Variants in PMEPA1 observed in about 807,000 individuals in gnomAD.
PMEPA1 encodes the protein prostate transmembrane protein, androgen induced 1, also known as protein TMEPAI.
PMEPA1 carries 11 observed loss-of-function variants against 23.0 expected under a neutral mutation model. That is an observed-to-expected ratio of 0.48 (90% CI 0.30 to 0.79). The LOEUF is 0.79. Ranked by LOEUF, PMEPA1 falls within the 30% of genes least tolerant of loss-of-function variation. The pLI is 0.06. For missense variants in PMEPA1, 377 were observed against 390.9 expected, an observed-to-expected ratio of 0.96 and a Z score of 0.30; for synonymous variants, 204 against 166.4, an observed-to-expected ratio of 1.23 and a Z score of -1.74.
In PMEPA1 at chr20:57,683,560, T is replaced by TGTGTCC. The variant is rs1555882186; in HGVS notation, c.110-23864_110-23863insGGACAC. The stretch of plus-strand genomic sequence containing the variant: ...TGGTGTTCTGGCCTGTGTGCGTGTG[T>TGTGTCC]GTGTGTGTGTGTGTGTGTGTGTGTT... On this transcript the variant is annotated intron_variant, in intron 1 of 3. Coordinates refer to ENST00000341744, the MANE Select transcript of PMEPA1 (RefSeq NM_020182.5). This position sits in a 1 kb window ranked among gnomAD's most constrained non-coding sequence, Gnocchi z 4.3. 5.2e-5 allele frequency among the ~76,000 whole-genome samples: 5 copies of TGTGTCC among 95,678 alleles called. No individual in the cohort carries two copies. Among genetic ancestry groups the TGTGTCC allele is most frequent in the African/African-American group, 1.5e-4 (5 of 34,050 alleles). 62.8% of individuals were successfully genotyped at this position (95,678 alleles called of 152,430 possible). A position where few individuals can be genotyped will look rare whatever the true frequency, so the allele number is the denominator to read the frequency against.
chr20:57,660,970 C>CCACACA (rs1186654422), intron 1 of PMEPA1, among the ~76,000 whole-genome samples: 2 of 152,068 alleles, frequency 1.3e-5, no homozygotes, highest in Non-Finnish European at 1.5e-5. Context: ...ACACAGCGCA[C>CCACACA]CACACGTGCC....
At chr20:57,685,300 A>C (rs898847148) in intron 1 of PMEPA1, among the ~76,000 whole-genome samples, 3 of 152,192 alleles carry the variant, frequency 2.0e-5, no homozygotes, top group African/African-American at 7.2e-5. Context: ...GGCTAGGAGG[A>C]GGCCGGGGAG....
chr20:57,659,453 A>G lies in PMEPA1; in HGVS notation c.264+90T>C, dbSNP rs2071376921. On this transcript the variant is annotated intron_variant, in intron 2 of 3. Coordinates refer to ENST00000341744, the MANE Select transcript of PMEPA1 (RefSeq NM_020182.5). ...TTCCTGCCCTGAATCTGTTTCCTGC[A>G]AACGCTGCCATTGGATCCCGTCTGA... The G allele has an allele frequency of 2.9e-6, 4 of 1,380,912 alleles. No individual in the cohort carries two copies. In the South Asian group the frequency reaches 5.4e-5, roughly 19 times the overall value. 85.5% of individuals were successfully genotyped at this position (1,380,912 alleles called of 1,614,324 possible).
At chr20:57,710,086 C>G (rs1263110776), upstream of PMEPA1, 2 of 962,972 alleles carry the variant, frequency 2.1e-6, no homozygotes. Context: ...TGCGCCAATC[C>G]CCGCCGAGGT....
At position 57,673,896 on chromosome 20, in the gene PMEPA1, A is replaced by T. The variant is rs73915291; in HGVS notation, c.110-14199T>A. The stretch of plus-strand genomic sequence containing the variant: ...CTCCCCTCTCTGGGCTTGTTTTCCC[A>T]CCTTCAGACCCCAAGAGCAAATGGG... On this transcript the variant is annotated intron_variant, in intron 1 of 3. Transcript: ENST00000341744. 6.0e-3 allele frequency among the ~76,000 whole-genome samples: 915 copies of T among 152,216 alleles called. 8 individuals carry two copies. Among genetic ancestry groups the T allele is most frequent in the African/African-American group, 0.021 (875 of 41,540 alleles).
chr20:57,692,419 C>T (rs1416561942), intron 1 of PMEPA1, among the ~76,000 whole-genome samples: 2 of 152,228 alleles, frequency 1.3e-5, no homozygotes, highest in East Asian at 1.9e-4. Flanking sequence ...GTGGCAGGAA[C>T]TCACAGGGCG....
At chr20:57,710,413 G>C, upstream of PMEPA1, 1 of 1,592,522 alleles carries the variant, frequency 6.3e-7, no homozygotes, top group Non-Finnish European at 8.6e-7. Flanking sequence ...GGGGGCTCAG[G>C]GAAGAGAAAT....
upstream of PMEPA1, chr20:57,710,150 G>T: frequency 1.5e-6 from 1 of 647,712 alleles, no homozygotes; most frequent in Non-Finnish European, 2.1e-6. Flanking sequence ...AACGGGGCGG[G>T]CTCTTAAAGG....
At position 57,672,562 on chromosome 20, in the gene PMEPA1, G is replaced by A. The variant is rs569008283; in HGVS notation, c.110-12865C>T. Among the ~76,000 whole-genome samples the A allele has an allele frequency of 9.4e-4, 143 of 152,342 alleles. 1 individual carries two copies. The South Asian group carries it at 0.014, about 15-fold the overall frequency. On this transcript the variant is annotated intron_variant, in intron 1 of 3. Transcript: ENST00000341744. ...GAGCCTCTGAGGGTCAGTCGGCGAC[G>A]GGCACCGTCTGGAGGGGTCTCGCCG...
intron 2 of PMEPA1, among the ~76,000 whole-genome samples, chr20:57,658,322 C>T (rs76864798): frequency 0.02 from 3,107 of 152,334 alleles, 54 homozygotes; most frequent in Non-Finnish European, 0.031. Flanking sequence ...CCCACTTCAC[C>T]TGGTCCTGCA....
intron 1 of PMEPA1, among the ~76,000 whole-genome samples, chr20:57,698,546 T>C (rs977602051): frequency 2.6e-5 from 4 of 152,196 alleles, no homozygotes; most frequent in Admixed American, 6.5e-5. Context: ...AACAAAGAAA[T>C]TACTCAGGGT....
At chr20:57,665,047 C>T (rs935471751) in intron 1 of PMEPA1, among the ~76,000 whole-genome samples, 1 of 152,160 alleles carries the variant, frequency 6.6e-6, no homozygotes, top group East Asian at 1.9e-4. Context: ...GACCTAGGCT[C>T]AACTCTGCTG....
chr20:57,683,556 T>C lies in PMEPA1; in HGVS notation c.110-23859A>G, dbSNP rs1021811107. Among the ~76,000 whole-genome samples the C allele has an allele frequency of 8.9e-6, 1 of 111,862 alleles. No individual in the cohort carries two copies. The highest frequency in any genetic ancestry group is 2.0e-5 in the Non-Finnish European group (1 of 49,758). 73.4% of individuals were successfully genotyped at this position (111,862 alleles called of 152,430 possible). ...GTGGTGGTGTTCTGGCCTGTGTGCG[T>C]GTGTGTGTGTGTGTGTGTGTGTGTG... On this transcript the variant is annotated intron_variant, in intron 1 of 3. Coordinates refer to ENST00000341744, the MANE Select transcript of PMEPA1 (RefSeq NM_020182.5). The surrounding 1 kb of genome is among the most constrained non-coding windows in gnomAD (Gnocchi z 4.3).
Position 57,709,688 on chromosome 20 carries a change from G to A in PMEPA1, c.-106C>T. 1.0e-6 allele frequency: 1 copy of A among 977,436 alleles called. No homozygotes were observed. The highest frequency in any genetic ancestry group is 1.2e-6 in the Non-Finnish European group (1 of 826,336). The allele number at this position is 977,436 out of a possible 1,614,324, so 60.5% of individuals were successfully genotyped here. ...GCCCCGCATGCAGGAGGCGCGCGGC[G>A]GGGGAGGCGCGCCCCGGCTCGCCGG... On this transcript the variant is annotated 5_prime_UTR_variant, in exon 1 of 4. Coordinates refer to ENST00000341744, the MANE Select transcript of PMEPA1 (RefSeq NM_020182.5).
chr20:57,702,442 C>T (rs897170411), intron 1 of PMEPA1, among the ~76,000 whole-genome samples: 1 of 152,202 alleles, frequency 6.6e-6, no homozygotes, highest in Non-Finnish European at 1.5e-5. Context: ...CAATGAATGT[C>T]AGCCGGTGTC....
intron 1 of PMEPA1, among the ~76,000 whole-genome samples, chr20:57,659,937 T>A (rs966021454): frequency 1.3e-5 from 2 of 152,004 alleles, no homozygotes; most frequent in African/African-American, 4.8e-5. Context: ...ACCTCAAAGG[T>A]GTCCTGGGAC....
chr20:57,673,261 C>T (rs1374325317), intron 1 of PMEPA1, among the ~76,000 whole-genome samples: 1 of 152,058 alleles, frequency 6.6e-6, no homozygotes, highest in Non-Finnish European at 1.5e-5. Context: ...CGGTGGCCTG[C>T]GTCTACCCCA....
intron 1 of PMEPA1, among the ~76,000 whole-genome samples, chr20:57,694,946 T>TTTC (rs779391158): frequency 3.3e-5 from 5 of 152,112 alleles, no homozygotes; most frequent in African/African-American, 1.2e-4. Flanking sequence ...ACACTGCTCT[T>TTTC]TTCTTCTTCT....
intron 1 of PMEPA1, among the ~76,000 whole-genome samples, chr20:57,662,892 C>T (rs778764318): frequency 7.2e-5 from 11 of 152,204 alleles, no homozygotes; most frequent in East Asian, 1.9e-4. Context: ...AGCAGTGAGA[C>T]GGTAGCTGGG....
Sources: allele counts gnomAD v4.1 joint callset (sites outside exome capture counted in the v4.1 genomes callset), GRCh38; gene constraint gnomAD v4.1.1; non-coding constraint Gnocchi (gnomAD v3.1); transcripts MANE v1.5; gene names NCBI Gene and HGNC (gene_info 2026-07-23, HGNC 2026-07-21).